The following MEI1 variants were observed in gnomAD, a reference collection of about 807,000 sequenced individuals.
MEI1 encodes the protein meiosis inhibitor protein 1.
MEI1 carries 103 observed loss-of-function variants against 146.2 expected under a neutral mutation model. The ratio of observed to expected loss-of-function variants is 0.70; its 90% confidence interval spans 0.60 to 0.83. The LOEUF (loss-of-function observed/expected upper bound fraction) is 0.83, where lower values mean the gene tolerates loss of function less well. Among genes scored for constraint, MEI1 ranks in the 40% least tolerant of loss-of-function variants. The probability of loss-of-function intolerance (pLI) is 0.00; values close to 1 mark genes in which losing one functional copy is unlikely to be tolerated. For missense variants in MEI1, 1,529 were observed against 1,533.0 expected, an observed-to-expected ratio of 1.00 and a Z score of 0.04; for synonymous variants, 652 against 628.2, an observed-to-expected ratio of 1.04 and a Z score of -0.57.
intron 17 of MEI1, among the ~76,000 whole-genome samples, 176 bp downstream of exon 17, chr22:41,754,222 G>T (rs933800375): frequency 6.6e-6 from 1 of 152,136 alleles, no homozygotes; most frequent in Non-Finnish European, 1.5e-5. Flanking sequence ...TGAAGTAATA[G>T]AACTGGAAAA....
At chr22:41,759,882 T>C (rs1253731946) in intron 18 of MEI1, among the ~76,000 whole-genome samples, 1 of 151,970 alleles carries the variant, frequency 6.6e-6, no homozygotes, top group East Asian at 1.9e-4. Context: ...CCGTAAGAAA[T>C]AATTTATTGG....
rs559784893 is a variant in MEI1 at position 41,703,963 on chromosome 22, G to A, written c.298+509G>A. Among the ~76,000 whole-genome samples the A allele has an allele frequency of 6.6e-5, 10 of 152,246 alleles. No homozygotes were observed. The South Asian group carries it at 1.9e-3, about 28-fold the overall frequency. On this transcript the variant is annotated intron_variant, in intron 2 of 30. Transcript: ENST00000401548. ...TTCGTGCCACCACACTCCAGCCTGG[G>A]TGACAGAGCAAGAGTCCCGTCTCAA...
At chr22:41,768,946 A>G (rs1210010283) in intron 19 of MEI1, among the ~76,000 whole-genome samples, 1 of 152,238 alleles carries the variant, frequency 6.6e-6, no homozygotes, top group South Asian at 2.1e-4. Flanking sequence ...ATCTAAATTA[A>G]CAGACTGCAT....
chr22:41,709,222 C>T (rs1487783345), intron 3 of MEI1: 7 of 862,386 alleles, frequency 8.1e-6, no homozygotes, highest in Non-Finnish European at 1.4e-5. Flanking sequence ...ACACACTTCA[C>T]TTGGCATCTC....
rs138947697 is a variant in MEI1 at position 41,727,963 on chromosome 22, C to A, written c.865-1702C>A. Among the ~76,000 whole-genome samples, 32 of 152,250 alleles carry A rather than the reference C, an allele frequency of 2.1e-4. No homozygotes were observed. The East Asian group carries it at 6.0e-3, about 28-fold the overall frequency. The stretch of plus-strand genomic sequence containing the variant: ...AAATTCCAGACTCCCAGAAGGAAAA[C>A]AGGTATTCAGCATAAACTACAGTTG... On this transcript the variant is annotated intron_variant, in intron 7 of 30. Transcript: ENST00000401548.
At chr22:41,762,428 G>A (rs1486044060) in intron 18 of MEI1, among the ~76,000 whole-genome samples, 2 of 150,320 alleles carry the variant, frequency 1.3e-5, no homozygotes, top group African/African-American at 2.5e-5. Flanking sequence ...AGGCTGAATT[G>A]CAGTAGCACA....
intron 20 of MEI1, among the ~76,000 whole-genome samples, chr22:41,774,819 G>C (rs2075359639): frequency 6.6e-6 from 1 of 152,194 alleles, no homozygotes; most frequent in African/African-American, 2.4e-5. Context: ...ATTAGGCCCT[G>C]AGTGGTTGTT....
intron 19 of MEI1, among the ~76,000 whole-genome samples, chr22:41,769,672 A>G (rs1383726471): frequency 6.6e-6 from 1 of 151,022 alleles, no homozygotes; most frequent in Non-Finnish European, 1.5e-5. Context: ...GAGTTTCTCC[A>G]TGTTGGCCAG....
intron 18 of MEI1, 43 bp downstream of exon 18, chr22:41,758,576 CTTCAT>C (rs1569266165): frequency 1.9e-6 from 3 of 1,572,392 alleles, no homozygotes; most frequent in Non-Finnish European, 2.6e-6. Context: ...GTCTTGGGAC[CTTCAT>C]CAGCAGTTCA....
intron 26 of MEI1, among the ~76,000 whole-genome samples, chr22:41,791,948 C>T (rs927983632): frequency 6.6e-6 from 1 of 152,086 alleles, no homozygotes; most frequent in African/African-American, 2.4e-5. Flanking sequence ...TTCATGGAGA[C>T]AGAAAGTAGA....
chr22:41,790,256 G>A (rs2076130299), intron 26 of MEI1, among the ~76,000 whole-genome samples: 1 of 151,906 alleles, frequency 6.6e-6, no homozygotes, highest in Non-Finnish European at 1.5e-5. Context: ...CTAATTTTTT[G>A]TATGTTTAGT....
intron 2 of MEI1, among the ~76,000 whole-genome samples, 194 bp downstream of exon 2, chr22:41,703,648 C>G (rs1339991078): frequency 6.6e-6 from 1 of 152,150 alleles, no homozygotes; most frequent in African/African-American, 2.4e-5. Flanking sequence ...CAGTAACTGA[C>G]TTTACTAGAG....
chr22:41,751,148 C>T (rs1009558005), intron 15 of MEI1, among the ~76,000 whole-genome samples: 1 of 152,116 alleles, frequency 6.6e-6, no homozygotes, highest in African/African-American at 2.4e-5. Context: ...GGTGGAGAAA[C>T]TCTGGATCCC....
intron 17 of MEI1, among the ~76,000 whole-genome samples, chr22:41,754,510 T>G: frequency 6.6e-6 from 1 of 152,146 alleles, no homozygotes. Flanking sequence ...CTCAGCTCAC[T>G]GCAACCTCTG....
intron 13 of MEI1, 126 bp downstream of exon 13, chr22:41,745,190 T>G (rs537650532): frequency 1.5e-6 from 1 of 658,792 alleles, no homozygotes; most frequent in East Asian, 3.4e-5. Flanking sequence ...AAAGAGGACT[T>G]TGGCTGGGGT....
At chr22:41,735,492 C>T (rs944487455) in intron 11 of MEI1, among the ~76,000 whole-genome samples, 1 of 152,164 alleles carries the variant, frequency 6.6e-6, no homozygotes, top group African/African-American at 2.4e-5. Context: ...CTTGGCCTTC[C>T]AAAGTGCTGG....
At chr22:41,726,922 C>T (rs1807669) in intron 7 of MEI1, among the ~76,000 whole-genome samples, 96,818 of 151,608 alleles carry the variant, frequency 0.64, 34,050 homozygotes, top group East Asian at 0.92. Context: ...TACAGGCGCC[C>T]GCCACCACAC....
At chr22:41,778,923 G>T (rs1168048474) in intron 22 of MEI1, 111 bp downstream of exon 22, 2 of 764,134 alleles carry the variant, frequency 2.6e-6, no homozygotes, top group Admixed American at 2.3e-5. Context: ...CCCTTTGGAA[G>T]AAGCTAGTAG....
intron 5 of MEI1, among the ~76,000 whole-genome samples, chr22:41,716,855 A>G (rs182468748): frequency 4.0e-5 from 6 of 151,212 alleles, no homozygotes; most frequent in African/African-American, 1.2e-4. Flanking sequence ...ATGCCTGGCT[A>G]ATTTTTTGTA....
Sources: allele counts gnomAD v4.1 joint callset (sites outside exome capture counted in the v4.1 genomes callset), GRCh38; gene constraint gnomAD v4.1.1; transcripts MANE v1.5; gene names NCBI Gene and HGNC (gene_info 2026-07-23, HGNC 2026-07-21).